Variants in PPP1R12A observed in about 807,000 individuals in gnomAD.
The protein encoded by PPP1R12A is myosin binding subunit.
Under a neutral mutation model 139.6 loss-of-function variants are expected in PPP1R12A, and 19 were observed. The observed-to-expected ratio is 0.14, with a 90% confidence interval of 0.09 to 0.20. The LOEUF is 0.20. Ranked by LOEUF, PPP1R12A falls within the 10% of genes least tolerant of loss-of-function variation. PPP1R12A has a pLI of 1.00. For missense variants in PPP1R12A, 925 were observed against 1,211.5 expected (o/e 0.76, Z 3.51); for synonymous variants, 427 against 420.6 (o/e 1.02, Z -0.19).
At chr12:79,784,632 G>A (rs1033781374) in intron 22 of PPP1R12A, among the ~76,000 whole-genome samples, 2 of 151,946 alleles carry the variant, frequency 1.3e-5, no homozygotes, top group East Asian at 1.9e-4. Context: ...GGGAGCAGTG[G>A]ATATTTATTT....
intron 21 of PPP1R12A, chr12:79,786,687 G>T: frequency 2.8e-6 from 1 of 357,068 alleles, no homozygotes; most frequent in Non-Finnish European, 5.0e-6. Context: ...ATTAGTTCCA[G>T]TATTCAAAAA....
intron 2 of PPP1R12A, among the ~76,000 whole-genome samples, chr12:79,864,531 C>CA (rs1881741358): frequency 6.6e-6 from 1 of 151,686 alleles, no homozygotes; most frequent in South Asian, 2.1e-4. Flanking sequence ...AAAAACCCTT[C>CA]AAAAAAATCA....
At chr12:79,899,193 G>A (rs1370053591) in intron 1 of PPP1R12A, among the ~76,000 whole-genome samples, 2 of 147,244 alleles carry the variant, frequency 1.4e-5, no homozygotes, top group African/African-American at 5.0e-5. Context: ...ATTTTCTTTT[G>A]ATGCAAAATT....
At chr12:79,797,894 G>GT (rs753410167) in intron 15 of PPP1R12A, among the ~76,000 whole-genome samples, 76 of 152,144 alleles carry the variant, frequency 5.0e-4, no homozygotes, top group Admixed American at 5.9e-4. Flanking sequence ...CTAAGTAATG[G>GT]TAAGGATAGA....
At chr12:79,818,987 G>A (rs971664050) in intron 8 of PPP1R12A, 3 of 152,188 alleles carry the variant, frequency 2.0e-5, no homozygotes, top group Admixed American at 2.0e-4. Context: ...TATTAAGAGA[G>A]TGAGAGGAAA....
chr12:79,888,923 G>A (rs966627953), intron 1 of PPP1R12A, among the ~76,000 whole-genome samples: 7 of 152,056 alleles, frequency 4.6e-5, no homozygotes, highest in African/African-American at 1.7e-4. Context: ...AAATTCAAAG[G>A]CACATATCCC....
At chr12:79,808,406 A>G in intron 11 of PPP1R12A, 77 bp downstream of exon 11, 1 of 978,086 alleles carries the variant, frequency 1.0e-6, no homozygotes. Context: ...CATAATTACA[A>G]TGCTCATGTA....
At chr12:79,781,773 C>CA (rs879765147) in intron 23 of PPP1R12A, 42 bp downstream of exon 23, 1 of 1,272,538 alleles carries the variant, frequency 7.9e-7, no homozygotes, top group Admixed American at 2.6e-5. Flanking sequence ...TTACCTAAAA[C>CA]AAGAAAGAAA....
rs191311924 is a variant in PPP1R12A at position 79,903,319 on chromosome 12, C to G, written c.238-30381G>C. Among the ~76,000 whole-genome samples, 74 of 152,016 alleles carry G rather than the reference C, an allele frequency of 4.9e-4. No individual in the cohort carries two copies. The East Asian group carries it at 0.013, about 26-fold the overall frequency. On this transcript the variant is annotated intron_variant, in intron 1 of 24. Transcript: ENST00000450142. Reference sequence around the variant, plus strand: ...TACAAAAATTAGCCAGGTGTGGTGGCATGTGCCTGTAATCCCAGCTACTCG... The same window carrying G: ...TACAAAAATTAGCCAGGTGTGGTGGGATGTGCCTGTAATCCCAGCTACTCG...
chr12:79,850,861 A>C (rs1271804887), intron 2 of PPP1R12A, among the ~76,000 whole-genome samples: 1 of 152,042 alleles, frequency 6.6e-6, no homozygotes, highest in Non-Finnish European at 1.5e-5. Flanking sequence ...TGGCCATACA[A>C]AGATGTGCAC....
intron 9 of PPP1R12A, among the ~76,000 whole-genome samples, chr12:79,811,374 A>G (rs1240993872): frequency 1.3e-5 from 2 of 152,182 alleles, no homozygotes; most frequent in Non-Finnish European, 2.9e-5. Context: ...TCACAACAAA[A>G]TCACGGGGGC....
intron 1 of PPP1R12A, among the ~76,000 whole-genome samples, chr12:79,896,506 A>AT (rs1423487521): frequency 1.3e-5 from 2 of 151,532 alleles, no homozygotes; most frequent in Non-Finnish European, 2.9e-5. Context: ...TGATTTTTGT[A>AT]TTTTTTTGTA....
chr12:79,808,192 C>T (rs1483845009), intron 11 of PPP1R12A, among the ~76,000 whole-genome samples: 1 of 151,908 alleles, frequency 6.6e-6, no homozygotes, highest in East Asian at 1.9e-4. Context: ...TCTTCTTTCC[C>T]CTTTCCTAAA....
At chr12:79,902,394 G>A (rs1256530885) in intron 1 of PPP1R12A, among the ~76,000 whole-genome samples, 8 of 151,604 alleles carry the variant, frequency 5.3e-5, no homozygotes, top group African/African-American at 1.5e-4. Context: ...CAATAAATTG[G>A]TCCAATTTTT....
At chr12:79,830,928 G>C (rs1269739672) in intron 4 of PPP1R12A, among the ~76,000 whole-genome samples, 2 of 152,070 alleles carry the variant, frequency 1.3e-5, no homozygotes, top group African/African-American at 4.8e-5. Flanking sequence ...AGATAATGAA[G>C]AATCTATGTA....
At chr12:79,891,521 T>C (rs1884639174) in intron 1 of PPP1R12A, among the ~76,000 whole-genome samples, 1 of 152,144 alleles carries the variant, frequency 6.6e-6, no homozygotes, top group African/African-American at 2.4e-5. Context: ...GCAATGTAAA[T>C]TGAAGAATGT....
chr12:79,836,979 T>C (rs1181661865), intron 3 of PPP1R12A, among the ~76,000 whole-genome samples: 1 of 152,180 alleles, frequency 6.6e-6, no homozygotes, highest in Non-Finnish European at 1.5e-5. Flanking sequence ...ATATGGTTGT[T>C]CTGAAAACTA....
intron 1 of PPP1R12A, among the ~76,000 whole-genome samples, chr12:79,887,053 C>T (rs563928300): frequency 6.6e-6 from 1 of 152,054 alleles, no homozygotes; most frequent in Non-Finnish European, 1.5e-5. Context: ...TGACTGCCTA[C>T]CACATATAAC....
chr12:79,895,916 T>C (rs1239743596), intron 1 of PPP1R12A, among the ~76,000 whole-genome samples: 1 of 152,184 alleles, frequency 6.6e-6, no homozygotes, highest in African/African-American at 2.4e-5. Flanking sequence ...GCTCAGAGAT[T>C]AGGGAGTAGC....
Sources: gnomAD v4.1 joint callset for allele counts (sites outside exome capture counted in the v4.1 genomes callset) on GRCh38, gnomAD v4.1.1 for gene constraint, MANE v1.5 for transcripts, NCBI Gene and HGNC (gene_info 2026-07-23, HGNC 2026-07-21) for gene names.